COQ8A: variants seen among roughly 807,000 people sequenced by gnomAD.
The protein encoded by COQ8A is atypical kinase COQ8A, mitochondrial.
A neutral mutation model predicts 65.0 loss-of-function variants in COQ8A; 51 were observed. The ratio of observed to expected loss-of-function variants is 0.78; its 90% confidence interval spans 0.63 to 0.99. COQ8A has a LOEUF of 0.99. Ranked by LOEUF, COQ8A falls within the 50% of genes least tolerant of loss-of-function variation. COQ8A has a pLI of 0.00. For missense variants in COQ8A, 940 were observed against 875.0 expected, an observed-to-expected ratio of 1.07 and a Z score of -0.94; for synonymous variants, 371 against 353.2, an observed-to-expected ratio of 1.05 and a Z score of -0.57.
intron 1 of COQ8A, among the ~76,000 whole-genome samples, chr1:226,955,489 TCTCTCTGGCTGC>T: frequency 7.0e-6 from 1 of 141,858 alleles, no homozygotes; most frequent in Admixed American, 6.9e-5. Flanking sequence ...TGGCTGCCAC[TCTCTCTGGCTGC>T]CACTCCCTGG....
At chr1:226,980,826 C>T (rs375687934) in intron 5 of COQ8A, among the ~76,000 whole-genome samples, 83 of 152,328 alleles carry the variant, frequency 5.4e-4, no homozygotes, top group African/African-American at 1.7e-3. Context: ...CTTCCGGGCC[C>T]GCAGGGCCTC....
intron 1 of COQ8A, among the ~76,000 whole-genome samples, chr1:226,960,359 G>GGTGGTA (rs1558187319): frequency 7.8e-4 from 1 of 1,286 alleles, no homozygotes; most frequent in African/African-American, 2.6e-3. Context: ...TGGTGGTGGT[G>GGTGGTA]CTTGGTGGTG....
intron 1 of COQ8A, among the ~76,000 whole-genome samples, chr1:226,954,776 G>A (rs1304657178): frequency 6.6e-6 from 1 of 152,232 alleles, no homozygotes; most frequent in Admixed American, 6.5e-5. Flanking sequence ...GAGAGAGGAA[G>A]ACAGATGTGG....
chr1:226,965,749 GTGT>G lies in COQ8A; in HGVS notation c.655+13_655+15del. On this transcript the variant is annotated intron_variant, in intron 4 of 14. Transcript: ENST00000366777. ...GGCCAACTTCGGAGGTAAGGTGGCTGTGTGCCCCTGGACTGCCTCACCTGCCCT... is the reference window on the plus strand; with the variant it reads ...GGCCAACTTCGGAGGTAAGGTGGCTGGCCCCTGGACTGCCTCACCTGCCCT... 6.2e-7 allele frequency: 1 copy of G among 1,613,076 alleles called. No homozygotes were observed. The highest frequency in any genetic ancestry group is 8.5e-7 in the Non-Finnish European group (1 of 1,179,832).
intron 10 of COQ8A, 108 bp downstream of exon 10, chr1:226,983,962 G>A: frequency 1.3e-6 from 2 of 1,550,052 alleles, no homozygotes; most frequent in Admixed American, 1.8e-5. Flanking sequence ...GAGGGCTGGG[G>A]TTGCAGCCTG....
At chr1:226,984,373 G>A (rs962521235) in intron 11 of COQ8A, 138 bp downstream of exon 11, 8 of 1,376,388 alleles carry the variant, frequency 5.8e-6, no homozygotes, top group Non-Finnish European at 8.1e-6. Context: ...GCACCAGTGG[G>A]ACTTAGGGGG....
chr1:226,968,219 C>T (rs1485826597), intron 4 of COQ8A, among the ~76,000 whole-genome samples: 1 of 152,064 alleles, frequency 6.6e-6, no homozygotes, highest in Non-Finnish European at 1.5e-5. Context: ...ACTGTAATCC[C>T]AGCTACTCGG....
chr1:226,945,970 A>G (rs12094428), intron 1 of COQ8A, among the ~76,000 whole-genome samples: 5,846 of 152,000 alleles, frequency 0.038, 346 homozygotes, highest in African/African-American at 0.12. Flanking sequence ...CATGTTGGGG[A>G]TTCAGGTTCC....
chr1:226,960,018 T>TTGGTGG (rs776307822), intron 1 of COQ8A, among the ~76,000 whole-genome samples: 17 of 152,014 alleles, frequency 1.1e-4, no homozygotes, highest in African/African-American at 4.1e-4. Context: ...GTGTTGGTGC[T>TTGGTGG]TGGTGGTGGT....
Position 226,982,897 on chromosome 1 carries a change from A to G in COQ8A, c.943A>G (p.Thr315Ala), listed in dbSNP as rs1659799250. The G allele has an allele frequency of 6.2e-7, 1 of 1,612,244 alleles. No homozygotes were observed. Among genetic ancestry groups the G allele is most frequent in the Non-Finnish European group, 8.5e-7 (1 of 1,179,766 alleles). Residue 315 changes from threonine to alanine, a missense_variant, in exon 8 of 15, where the codon ACT becomes GCT. Physicochemically the swap from Thr to Ala is moderately conservative, Grantham distance 58 (BLOSUM62 0). Coordinates refer to ENST00000366777, the MANE Select transcript of COQ8A (RefSeq NM_020247.5). ...DFMPLKQMMK[T>A]LNNDLGPNWR... ...CCTCCCTGGCCCTGCCCTTCAGAAAACTCTCAACAACGACCTGGGCCCCAA... is the reference window on the plus strand; with the variant it reads ...CCTCCCTGGCCCTGCCCTTCAGAAAGCTCTCAACAACGACCTGGGCCCCAA...
At chr1:226,948,402 A>G (rs1038487040) in intron 1 of COQ8A, among the ~76,000 whole-genome samples, 16 of 152,156 alleles carry the variant, frequency 1.1e-4, no homozygotes, top group Admixed American at 6.5e-4. Context: ...CCCCCATCTC[A>G]GGATCCCTGA....
intron 4 of COQ8A, among the ~76,000 whole-genome samples, chr1:226,968,240 C>A (rs1016158837): frequency 2.0e-5 from 3 of 152,038 alleles, no homozygotes; most frequent in Admixed American, 1.3e-4. Context: ...GAGGCTGAGG[C>A]ACAAGAATTG....
In COQ8A at chr1:226,985,257, A is replaced by G; in HGVS notation, c.1576A>G (p.Ile526Val). 6.2e-7 allele frequency: 1 copy of G among 1,613,550 alleles called. No homozygotes were observed. Among genetic ancestry groups the G allele is most frequent in the South Asian group, 1.1e-5 (1 of 91,086 alleles). Residue 526 changes from isoleucine to valine, a missense_variant, in exon 14 of 15, where the codon ATC becomes GTC. By Grantham distance (29) the Ile-to-Val change is conservative (BLOSUM62 3). Coordinates refer to ENST00000366777, the MANE Select transcript of COQ8A (RefSeq NM_020247.5). ...CCCCTCCTGTGCCTCTCCCCAGATC[A>G]TCAGGGCTGCTGCCGACAGGGACAG... ...RSFTDLYIQIIRAAADRDRET... is the reference protein window; with the variant it reads ...RSFTDLYIQIVRAAADRDRET...
At position 226,946,860 on chromosome 1, in the gene COQ8A, C is replaced by G. The variant is rs1402794187; in HGVS notation, c.-10+6461C>G. 1.3e-5 allele frequency among the ~76,000 whole-genome samples: 2 copies of G among 152,226 alleles called. No individual in the cohort carries two copies. Among genetic ancestry groups the G allele is most frequent in the African/African-American group, 2.4e-5 (1 of 41,456 alleles). The stretch of plus-strand genomic sequence containing the variant: ...GTGGCAAGACTGAGGGCCGTGTGCC[C>G]GATGGCTCCTCCTAGCTCTTGCACA... On this transcript the variant is annotated intron_variant, in intron 1 of 14. Transcript: ENST00000366777. The surrounding 1 kb of genome is among the most constrained non-coding windows in gnomAD (Gnocchi z 5.3).
At position 226,965,062 on chromosome 1, in the gene COQ8A, C is replaced by T. The variant is rs113667144; in HGVS notation, c.240C>T (p.His80=). ...ENFGGPEGEF[H]FSVPHAAGAS... Reference sequence around the variant, plus strand: ...TCGGCGGCCCAGAAGGGGAGTTCCACTTCTCAGTCCCGCATGCAGCCGGAG... The same window carrying T: ...TCGGCGGCCCAGAAGGGGAGTTCCATTTCTCAGTCCCGCATGCAGCCGGAG... Residue 80 remains histidine (H), a synonymous_variant, in exon 3 of 15, where the codon CAC becomes CAT. Transcript: ENST00000366777. 187 of 1,614,032 alleles carry T rather than the reference C, an allele frequency of 1.2e-4. No individual in the cohort carries two copies. In the African/African-American group the frequency reaches 2.2e-3, roughly 19 times the overall value.
At chr1:226,945,981 C>T (rs945362958) in intron 1 of COQ8A, among the ~76,000 whole-genome samples, 7 of 152,176 alleles carry the variant, frequency 4.6e-5, no homozygotes, top group African/African-American at 1.7e-4. Context: ...TTCAGGTTCC[C>T]CTGGTGCTCA....
chr1:226,984,632 T>C lies in COQ8A; in HGVS notation c.1483T>C (p.Phe495Leu), dbSNP rs776529192. The C allele has an allele frequency of 9.9e-6, 16 of 1,614,142 alleles. No individual in the cohort carries two copies. Among genetic ancestry groups the C allele is most frequent in the Non-Finnish European group, 1.4e-5 (16 of 1,179,974 alleles). The change falls in exon 12 of 15, where the codon TTC becomes CTC. Residue 495 changes from phenylalanine to leucine, a missense_variant. Transcript: ENST00000366777. ...AACAGACCCCAACTGGTCCAACTTC[T>C]TCTATGACCCCCAGCAGCACAAGGT... is the stretch of plus-strand genomic sequence containing the variant. Reference protein sequence around the residue: ...MQTDPNWSNFFYDPQQHKVAL... With the variant: ...MQTDPNWSNFLYDPQQHKVAL...
At position 226,985,080 on chromosome 1, in the gene COQ8A, ACAG is replaced by A. The variant is rs1660002014; in HGVS notation, c.1572+143_1572+145del. On this transcript the variant is annotated intron_variant, in intron 13 of 14. Coordinates refer to ENST00000366777, the MANE Select transcript of COQ8A (RefSeq NM_020247.5). ...CGCTGCCTGCCCCTCAGGTCTGGTG[ACAG>A]CAGGCAGTTAGGCTGACAGCTGCCA... 2.3e-6 allele frequency: 3 copies of A among 1,322,264 alleles called. No individual in the cohort carries two copies. The Admixed American group carries it at 5.3e-5, about 23-fold the overall frequency. The allele number at this position is 1,322,264 out of a possible 1,614,324, so 81.9% of individuals were successfully genotyped here. A position where few individuals can be genotyped will look rare whatever the true frequency, so the allele number is the denominator to read the frequency against.
intron 14 of COQ8A, among the ~76,000 whole-genome samples, chr1:226,985,887 A>C (rs1660077790): frequency 6.6e-6 from 1 of 152,142 alleles, no homozygotes; most frequent in South Asian, 2.1e-4. Flanking sequence ...CCCTTATCTC[A>C]GCTGTAAGCG....
Sources: allele counts gnomAD v4.1 joint callset (sites outside exome capture counted in the v4.1 genomes callset), GRCh38; gene constraint gnomAD v4.1.1; non-coding constraint Gnocchi (gnomAD v3.1); transcripts MANE v1.5; gene names NCBI Gene and HGNC (gene_info 2026-07-23, HGNC 2026-07-21).